THSD4: variants seen among roughly 807,000 people sequenced by gnomAD.
The protein encoded by THSD4 is thrombospondin type 1 domain containing 4.
Under a neutral mutation model 119.0 loss-of-function variants are expected in THSD4, and 69 were observed. That is an observed-to-expected ratio of 0.58 (90% CI 0.48 to 0.71). The LOEUF is 0.71. Among genes scored for constraint, THSD4 ranks in the 30% least tolerant of loss-of-function variants. THSD4 has a pLI of 0.00. For missense variants in THSD4, 1,393 were observed against 1,391.1 expected, an observed-to-expected ratio of 1.00 and a Z score of -0.02; for synonymous variants, 524 against 540.4, an observed-to-expected ratio of 0.97 and a Z score of 0.42.
Position 71,586,854 on chromosome 15 carries a change from C to T in THSD4, c.1153-73676C>T, listed in dbSNP as rs540641366. ...TTTCCTTCATGAAGCTGTTGACATTCGTTAAAGGAAGCTGCTTATCACAAC... is the reference window on the plus strand; with the variant it reads ...TTTCCTTCATGAAGCTGTTGACATTTGTTAAAGGAAGCTGCTTATCACAAC... On this transcript the variant is annotated intron_variant, in intron 7 of 17. Transcript: ENST00000261862. Among the ~76,000 whole-genome samples the T allele has an allele frequency of 1.2e-4, 18 of 152,272 alleles. 2 individuals are homozygous for T. In the East Asian group the frequency reaches 1.4e-3, roughly 11 times the overall value.
At chr15:71,706,305 G>T (rs1286108199) in intron 8 of THSD4, among the ~76,000 whole-genome samples, 1 of 152,156 alleles carries the variant, frequency 6.6e-6, no homozygotes, top group South Asian at 2.1e-4. Context: ...GAGGTCTCCA[G>T]CCTGATGACT....
At chr15:71,483,086 A>T (rs1459599490) in intron 7 of THSD4, among the ~76,000 whole-genome samples, 1 of 152,188 alleles carries the variant, frequency 6.6e-6, no homozygotes, top group East Asian at 1.9e-4. Flanking sequence ...GCTAATAAAC[A>T]GTATCTTTTA....
intron 8 of THSD4, among the ~76,000 whole-genome samples, chr15:71,680,084 G>C (rs2051743199): frequency 6.6e-6 from 1 of 152,212 alleles, no homozygotes; most frequent in African/African-American, 2.4e-5. Flanking sequence ...GAGCAAATCA[G>C]AGTAGAAAAG....
chr15:71,288,050 A>G lies in THSD4; in HGVS notation c.1015+31335A>G, dbSNP rs116796722. On this transcript the variant is annotated intron_variant, in intron 6 of 17. Coordinates refer to ENST00000261862, the MANE Select transcript of THSD4 (RefSeq NM_024817.3). ...CCACCTACAAAGTGCACTGGGTGATATTTTATACTGCAGATGTTCTAGTTT... is the reference window on the plus strand; with the variant it reads ...CCACCTACAAAGTGCACTGGGTGATGTTTTATACTGCAGATGTTCTAGTTT... 6.8e-3 allele frequency among the ~76,000 whole-genome samples: 1,035 copies of G among 152,250 alleles called. 9 individuals carry two copies. The highest frequency in any genetic ancestry group is 0.024 in the African/African-American group (996 of 41,550).
At chr15:71,103,712 C>G (rs1030423611) in intron 1 of THSD4, among the ~76,000 whole-genome samples, 1 of 152,094 alleles carries the variant, frequency 6.6e-6, no homozygotes, top group Admixed American at 6.5e-5. Flanking sequence ...ACTCCCACCC[C>G]CTCAGCCTCT....
chr15:71,519,568 G>T (rs1376703542), intron 7 of THSD4, among the ~76,000 whole-genome samples: 2 of 152,140 alleles, frequency 1.3e-5, no homozygotes, highest in South Asian at 2.1e-4. Flanking sequence ...CACCGTGTTG[G>T]CCAGGTTGGT....
chr15:71,613,694 G>GT (rs1376511418), intron 7 of THSD4, among the ~76,000 whole-genome samples: 1 of 152,042 alleles, frequency 6.6e-6, no homozygotes, highest in Non-Finnish European at 1.5e-5. Context: ...GTTCTGAAGG[G>GT]TTTCTTCTGT....
chr15:71,543,229 T>G (rs188244273), intron 7 of THSD4, among the ~76,000 whole-genome samples: 178 of 152,318 alleles, frequency 1.2e-3, no homozygotes, highest in Middle Eastern at 6.8e-3. Flanking sequence ...CTTTGCAATT[T>G]TTCTGTAAAC....
At chr15:71,130,731 C>T (rs768360818) in intron 1 of THSD4, among the ~76,000 whole-genome samples, 56 of 152,112 alleles carry the variant, frequency 3.7e-4, no homozygotes, top group Non-Finnish European at 7.4e-4. Context: ...ACATATTATA[C>T]ACCTAATAAA....
intron 7 of THSD4, among the ~76,000 whole-genome samples, chr15:71,627,017 T>C (rs181551892): frequency 2.5e-3 from 380 of 152,316 alleles, no homozygotes; most frequent in Middle Eastern, 6.8e-3. Flanking sequence ...CTCTGTTATA[T>C]GAATTTAGTC....
intron 3 of THSD4, chr15:71,165,343 C>T (rs1158390134): frequency 8.5e-5 from 131 of 1,532,774 alleles, no homozygotes; most frequent in Non-Finnish European, 1.1e-4. Context: ...TTCTTATGCT[C>T]CTCCCGACGT....
chr15:71,485,034 G>A (rs987622081), intron 7 of THSD4, among the ~76,000 whole-genome samples: 2 of 152,070 alleles, frequency 1.3e-5, no homozygotes, highest in Middle Eastern at 3.2e-3. Context: ...TTGTTTCTCC[G>A]CCCTTTCCCC....
rs143835432 is a variant in THSD4, at chr15:71,102,903, G to A, written c.-80+5897G>A. 7.3e-3 allele frequency among the ~76,000 whole-genome samples: 1,117 copies of A among 152,088 alleles called. 19 individuals carry two copies. The highest frequency in any genetic ancestry group is 0.025 in the African/African-American group (1,019 of 41,488). ...TTCTTTTTTCCCCCCTGAGAATTTC[G>A]GTATTTCCATTTGTTTCAGGAGCAC... On this transcript the variant is annotated intron_variant, in intron 1 of 17. Transcript: ENST00000355327.
At chr15:71,409,203 G>A (rs1363168704) in intron 6 of THSD4, among the ~76,000 whole-genome samples, 2 of 151,244 alleles carry the variant, frequency 1.3e-5, no homozygotes, top group African/African-American at 4.9e-5. Context: ...AAATATTGAG[G>A]AATAAAATTC....
intron 17 of THSD4, among the ~76,000 whole-genome samples, chr15:71,775,236 C>T (rs2053892674): frequency 6.6e-6 from 1 of 151,926 alleles, no homozygotes; most frequent in African/African-American, 2.4e-5. Flanking sequence ...AAAATACAGA[C>T]ACCCCAAAAA....
intron 7 of THSD4, among the ~76,000 whole-genome samples, chr15:71,481,896 G>A (rs1435639283): frequency 6.6e-6 from 1 of 152,168 alleles, no homozygotes; most frequent in African/African-American, 2.4e-5. Flanking sequence ...GATTCTTTAT[G>A]TGTTTCCAGT....
intron 7 of THSD4, among the ~76,000 whole-genome samples, chr15:71,551,772 C>T (rs8036361): frequency 0.34 from 51,934 of 151,924 alleles, 10,404 homozygotes; most frequent in South Asian, 0.48. Context: ...AGCATCTTTA[C>T]TGGGGCTGAC....
intron 7 of THSD4, among the ~76,000 whole-genome samples, chr15:71,560,645 A>T (rs981344431): frequency 3.9e-5 from 6 of 152,220 alleles, no homozygotes; most frequent in African/African-American, 1.4e-4. Flanking sequence ...TGTTATAAAT[A>T]TAGTTGTATA....
intron 7 of THSD4, among the ~76,000 whole-genome samples, chr15:71,434,434 C>CTTTTTTTTTTTT (rs34097873): frequency 3.6e-5 from 3 of 82,586 alleles, no homozygotes; most frequent in East Asian, 4.0e-4. Flanking sequence ...TCAGTGGTCC[C>CTTTTTTTTTTTT]TTTTTTTTTT....
Sources: gnomAD v4.1 joint callset for allele counts (sites outside exome capture counted in the v4.1 genomes callset) on GRCh38, gnomAD v4.1.1 for gene constraint, MANE v1.5 for transcripts, NCBI Gene and HGNC (gene_info 2026-07-23, HGNC 2026-07-21) for gene names.